TRPM3: variants seen among roughly 807,000 people sequenced by gnomAD.
The protein encoded by TRPM3 is transient receptor potential cation channel subfamily M member 3, also known as long transient receptor potential channel 3.
A neutral mutation model predicts 181.2 loss-of-function variants in TRPM3; 77 were observed. That is an observed-to-expected ratio of 0.42 (90% CI 0.35 to 0.51). The LOEUF (loss-of-function observed/expected upper bound fraction) is 0.51. Ranked by LOEUF, TRPM3 falls within the 20% of genes least tolerant of loss-of-function variation. The pLI, the probability that TRPM3 is intolerant of heterozygous loss-of-function variation, is 0.01. For missense variants in TRPM3, 1,759 were observed against 2,196.7 expected, an observed-to-expected ratio of 0.80 and a Z score of 3.98; for synonymous variants, 745 against 796.4, an observed-to-expected ratio of 0.94 and a Z score of 1.09.
intron 1 of TRPM3, among the ~76,000 whole-genome samples, chr9:71,204,853 C>T (rs2079028044): frequency 6.6e-6 from 1 of 152,154 alleles, no homozygotes; most frequent in Admixed American, 6.6e-5. Context: ...GAAAATGTGG[C>T]ACATATACAC....
chr9:71,407,997 G>C (rs2093469813), intron 1 of TRPM3, among the ~76,000 whole-genome samples: 1 of 152,186 alleles, frequency 6.6e-6, no homozygotes, highest in South Asian at 2.1e-4. Flanking sequence ...CAACAGACCT[G>C]CAGATAATGG....
At chr9:71,225,637 A>G (rs187231208) in intron 1 of TRPM3, among the ~76,000 whole-genome samples, 86 of 152,162 alleles carry the variant, frequency 5.7e-4, no homozygotes, top group Non-Finnish European at 1.1e-3. Flanking sequence ...AAAAAGATGA[A>G]AAGATAAACA....
At chr9:70,788,930 G>C (rs2084619913) in intron 6 of TRPM3, among the ~76,000 whole-genome samples, 2 of 152,140 alleles carry the variant, frequency 1.3e-5, no homozygotes, top group Non-Finnish European at 2.9e-5. Context: ...TACAGATGAA[G>C]CTTCGCTCAC....
intron 1 of TRPM3, among the ~76,000 whole-genome samples, chr9:71,114,237 T>G (rs1330903351): frequency 6.6e-6 from 1 of 152,156 alleles, no homozygotes; most frequent in Admixed American, 6.5e-5. Context: ...ACAACTCCTA[T>G]GCATGTCCCT....
intron 1 of TRPM3, among the ~76,000 whole-genome samples, chr9:70,870,903 T>C (rs1342876490): frequency 1.3e-5 from 2 of 152,048 alleles, no homozygotes; most frequent in African/African-American, 2.4e-5. Flanking sequence ...CCTGTAACCA[T>C]ATGTTTATAG....
chr9:71,337,918 A>G (rs947335064), intron 1 of TRPM3, among the ~76,000 whole-genome samples: 11 of 152,118 alleles, frequency 7.2e-5, no homozygotes, highest in Non-Finnish European at 1.3e-4. Flanking sequence ...AACATCACAC[A>G]CCAGGCCCTG....
At chr9:71,190,095 G>A (rs1342871880) in intron 1 of TRPM3, among the ~76,000 whole-genome samples, 2 of 151,806 alleles carry the variant, frequency 1.3e-5, no homozygotes, top group African/African-American at 4.8e-5. Context: ...ATTTGAAAGA[G>A]CAAACCAAAT....
chr9:70,688,838 C>G (rs2067689733), intron 8 of TRPM3, among the ~76,000 whole-genome samples: 1 of 152,082 alleles, frequency 6.6e-6, no homozygotes, highest in African/African-American at 2.4e-5. Flanking sequence ...CTTCATGCCC[C>G]TATGATTCTC....
chr9:70,905,697 A>G (rs1465540618), intron 1 of TRPM3, among the ~76,000 whole-genome samples: 2 of 152,024 alleles, frequency 1.3e-5, no homozygotes, highest in Admixed American at 6.6e-5. Context: ...ATATACAGAC[A>G]TTATTATCCT....
intron 14 of TRPM3, 117 bp from the exon 15 acceptor site, chr9:70,621,390 G>A: frequency 1.6e-6 from 1 of 626,292 alleles, no homozygotes; most frequent in Admixed American, 3.6e-5. Flanking sequence ...ATTGAGACAA[G>A]GTCTCACTTT....
intron 19 of TRPM3, 102 bp downstream of exon 19, chr9:70,610,507 G>T (rs1160208713): frequency 7.1e-7 from 1 of 1,403,098 alleles, no homozygotes. Flanking sequence ...ACTCCTGTGT[G>T]TGGCACTTAC....
Position 71,042,202 on chromosome 9 carries a change from G to GA in TRPM3, c.177+78975dup, listed in dbSNP as rs34422926. On this transcript the variant is annotated intron_variant, in intron 1 of 25. Coordinates refer to ENST00000677713, the MANE Select transcript of TRPM3 (RefSeq NM_001366145.2). ...CCTTAGAATATTGAAGTTGTTATTT[G>GA]AAAAAAAAAAGGTGAGGGAAAGGGC... 2.0e-3 allele frequency among the ~76,000 whole-genome samples: 289 copies of GA among 145,682 alleles called. 9 individuals carry two copies. The South Asian group carries it at 0.053, about 27-fold the overall frequency.
chr9:71,049,470 T>C (rs890627846), intron 1 of TRPM3, among the ~76,000 whole-genome samples: 2 of 152,202 alleles, frequency 1.3e-5, no homozygotes, highest in African/African-American at 4.8e-5. Context: ...ACATTATCCA[T>C]ATCTGAAGTG....
intron 12 of TRPM3, among the ~76,000 whole-genome samples, chr9:70,632,633 T>C (rs1250387769): frequency 6.6e-6 from 1 of 152,318 alleles, no homozygotes; most frequent in South Asian, 2.1e-4. Flanking sequence ...TTTGTTATCA[T>C]TTTTTCCAGT....
chr9:71,225,817 C>T (rs887962135), intron 1 of TRPM3, among the ~76,000 whole-genome samples: 2 of 151,302 alleles, frequency 1.3e-5, no homozygotes, highest in African/African-American at 4.9e-5. Context: ...CCACCATGAC[C>T]CACTGATTTT....
chr9:71,128,600 A>G (rs982797066), intron 1 of TRPM3, among the ~76,000 whole-genome samples: 1 of 152,216 alleles, frequency 6.6e-6, no homozygotes, highest in Non-Finnish European at 1.5e-5. Flanking sequence ...ACACATACAC[A>G]CATGTAAGCA....
chr9:71,065,791 T>C (rs1413005948), intron 1 of TRPM3, among the ~76,000 whole-genome samples: 1 of 152,202 alleles, frequency 6.6e-6, no homozygotes, highest in East Asian at 1.9e-4. Context: ...ACACAGAGTC[T>C]AATTTGCACA....
intron 1 of TRPM3, among the ~76,000 whole-genome samples, chr9:71,076,171 T>A (rs1451153840): frequency 6.6e-6 from 1 of 152,114 alleles, no homozygotes; most frequent in South Asian, 2.1e-4. Context: ...AGCTAATTGT[T>A]CAGTTTTCGG....
intron 17 of TRPM3, among the ~76,000 whole-genome samples, chr9:70,618,043 CA>C (rs971197722): frequency 1.5e-4 from 23 of 152,248 alleles, no homozygotes; most frequent in African/African-American, 5.1e-4. Flanking sequence ...TTAAAACAAA[CA>C]AAAAACTCCC....
Sources: gnomAD v4.1 joint callset for allele counts (sites outside exome capture counted in the v4.1 genomes callset) on GRCh38, gnomAD v4.1.1 for gene constraint, MANE v1.5 for transcripts, NCBI Gene and HGNC (gene_info 2026-07-23, HGNC 2026-07-21) for gene names.